SLC11A1: variants seen among roughly 807,000 people sequenced by gnomAD.
SLC11A1 encodes the protein natural resistance-associated macrophage protein 1.
In SLC11A1, 59 loss-of-function variants were observed where a neutral mutation model predicts 63.2. The observed-to-expected ratio is 0.93, with a 90% CI of 0.76 to 1.16. SLC11A1 has a LOEUF of 1.16. Among genes scored for constraint, SLC11A1 ranks in the 50% most tolerant of loss-of-function variants. The pLI is 0.00. For synonymous variants in SLC11A1, 305 were observed against 307.8 expected (o/e 0.99, Z 0.09); for missense variants, 688 against 730.7 (o/e 0.94, Z 0.67).
At chr2:218,393,622 G>A (rs906903049) in intron 12 of SLC11A1, among the ~76,000 whole-genome samples, 3 of 151,606 alleles carry the variant, frequency 2.0e-5, no homozygotes, top group Admixed American at 6.6e-5. Context: ...GATTACAAGC[G>A]CCCACCATCA....
In SLC11A1 at chr2:218,391,401, GC is replaced by G. The variant is rs1696435501; in HGVS notation, c.1074del (p.Ala359ArgfsTer8). 1 of 1,613,874 alleles carries G rather than the reference GC, an allele frequency of 6.2e-7. No individual in the cohort carries two copies. Among genetic ancestry groups the G allele is most frequent in the African/African-American group, 1.3e-5 (1 of 74,942 alleles). ...GGCGTGATCCTGGGCTGCCTGTTCG[GC>G]CCCGCGGCCCTCTACATCTGGGCCA... is the stretch of plus-strand genomic sequence containing the variant. ...QGGVILGCLF[G>X]PAALYIWAIG... On this transcript the variant is annotated frameshift_variant, in exon 11 of 15. Coordinates refer to ENST00000233202, the MANE Select transcript of SLC11A1 (RefSeq NM_000578.4). LOFTEE classifies it high-confidence loss of function.
chr2:218,389,911 A>T lies in SLC11A1; in HGVS notation c.837A>T (p.Glu279Asp). ...GGGCCCGCCGAGCAGACATCAGAGA[A>T]GCCAACATGTACTTCCTGATTGAGG... is the stretch of plus-strand genomic sequence containing the variant. ...IDRARRADIREANMYFLIEAT... is the reference protein window; with the variant it reads ...IDRARRADIRDANMYFLIEAT... The change falls in exon 9 of 15, where the codon GAA (glutamate) becomes GAT (aspartate). Residue 279 changes from glutamate (E) to aspartate (D), a missense_variant. By Grantham distance (45) the Glu-to-Asp change is conservative (BLOSUM62 2). Coordinates refer to ENST00000233202, the MANE Select transcript of SLC11A1 (RefSeq NM_000578.4). The T allele has an allele frequency of 6.2e-7, 1 of 1,613,938 alleles. No individual in the cohort carries two copies. The highest frequency in any genetic ancestry group is 1.3e-5 in the African/African-American group (1 of 75,020).
chr2:218,383,012 C>T lies in SLC11A1; in HGVS notation c.60C>T (p.Ser20=), dbSNP rs1372099485. The part of the protein sequence containing the change: ...LSGSSYGSIS[S]PTSPTSPGPQ... The stretch of plus-strand genomic sequence containing the variant: ...GGTCCAGCTATGGTTCCATCTCCAG[C>T]CCGACCAGCCCGACCAGCCCAGGGC... Residue 20 remains serine, a synonymous_variant, in exon 2 of 15, where the codon AGC becomes AGT. Transcript: ENST00000233202. 1 of 1,611,498 alleles carries T rather than the reference C, an allele frequency of 6.2e-7. No individual in the cohort carries two copies. The highest frequency in any genetic ancestry group is 8.5e-7 in the Non-Finnish European group (1 of 1,179,738).
Position 218,387,857 on chromosome 2 carries a change from T to G in SLC11A1, c.697T>G (p.Cys233Gly), listed in dbSNP as rs867987748. ...TCTTCGGGGCCTGTTCCTGCCCTCG[T>G]GCCCGGGCTGCGGCCACCCCGAGCT... The part of the protein sequence containing the change: ...ALLRGLFLPS[C>G]PGCGHPELLQ... The change falls in exon 8 of 15, where the codon TGC becomes GGC. Residue 233 changes from cysteine (C) to glycine (G), a missense_variant. By Grantham distance (159) the Cys-to-Gly change is radical. Transcript: ENST00000233202. 2 of 1,601,240 alleles carry G rather than the reference T, an allele frequency of 1.2e-6. No individual in the cohort carries two copies. The highest frequency in any genetic ancestry group is 1.7e-6 in the Non-Finnish European group (2 of 1,174,166).
At chr2:218,394,851 G>A in intron 14 of SLC11A1, 66 bp downstream of exon 14, 3 of 1,606,926 alleles carry the variant, frequency 1.9e-6, no homozygotes, top group Non-Finnish European at 1.7e-6. Flanking sequence ...CCAATGGGGA[G>A]GGTTTGGGGG....
At chr2:218,391,117 C>G in intron 9 of SLC11A1, 81 bp from the exon 10 acceptor site, 3 of 1,251,636 alleles carry the variant, frequency 2.4e-6, no homozygotes, top group African/African-American at 1.5e-5. Context: ...GTTTTGGAAC[C>G]CTGGTCAGTG....
chr2:218,392,970 C>G lies in SLC11A1; in HGVS notation c.1165-11C>G. 1 of 1,583,658 alleles carries G rather than the reference C, an allele frequency of 6.3e-7. No homozygotes were observed. The highest frequency in any genetic ancestry group is 1.1e-5 in the South Asian group (1 of 87,170). Reference sequence around the variant, plus strand: ...GTCTACTCCTCACCAAGGAGTTCACCCCCACCCCAGGGCTTCCTGAGGCTG... The same window carrying G: ...GTCTACTCCTCACCAAGGAGTTCACGCCCACCCCAGGGCTTCCTGAGGCTG... On this transcript the variant is annotated splice_polypyrimidine_tract_variant and intron_variant, in intron 11 of 14. Transcript: ENST00000233202.
rs1252859329 is a variant in SLC11A1 at position 218,386,661 on chromosome 2, C to T, written c.420C>T (p.Thr140=). ...TGCCCCGCACCGTCCTCTGGCTGAC[C>T]ATCGAGCTAGCCATTGTGGGCTCCG... ...PKVPRTVLWL[T]IELAIVGSDM... is the part of the protein sequence containing the mutation. Residue 140 remains threonine, a synonymous_variant, in exon 5 of 15, where the codon ACC becomes ACT. Coordinates refer to ENST00000233202, the MANE Select transcript of SLC11A1 (RefSeq NM_000578.4). The T allele has an allele frequency of 5.0e-6, 8 of 1,613,866 alleles. No homozygotes were observed. The highest frequency in any genetic ancestry group is 6.8e-6 in the Non-Finnish European group (8 of 1,179,954).
chr2:218,394,480 G>T (rs995536891), intron 13 of SLC11A1, 152 bp from the exon 14 acceptor site: 2 of 855,290 alleles, frequency 2.3e-6, no homozygotes, highest in Non-Finnish European at 3.6e-6. Flanking sequence ...GCAGGAGGTG[G>T]GGAGGGGGTC....
Position 218,382,964 on chromosome 2 carries a change from C to T in SLC11A1, c.12C>T (p.Asp4=). MTG[D]KGPQRLSGSS... ...ATGCTTCATGGGCCCCCACAGGTGA[C>T]AAGGGTCCCCAAAGGCTAAGCGGGT... is the stretch of plus-strand genomic sequence containing the variant. Residue 4 remains aspartate, a synonymous_variant, in exon 2 of 15, where the codon GAC becomes GAT. Coordinates refer to ENST00000233202, the MANE Select transcript of SLC11A1 (RefSeq NM_000578.4). The T allele has an allele frequency of 6.2e-7, 1 of 1,614,102 alleles. No individual in the cohort carries two copies. The highest frequency in any genetic ancestry group is 1.1e-5 in the South Asian group (1 of 91,080).
At chr2:218,392,624 C>T (rs1459715304) in intron 11 of SLC11A1, 4 of 193,818 alleles carry the variant, frequency 2.1e-5, no homozygotes, top group African/African-American at 9.3e-5. Context: ...ACGTGAGCCA[C>T]CCCACTCAGC....
In SLC11A1 at chr2:218,384,582, GTATATTTA is replaced by G. The variant is rs1695975818; in HGVS notation, c.273+219_273+226del. On this transcript the variant is annotated intron_variant, in intron 3 of 14. Coordinates refer to ENST00000233202, the MANE Select transcript of SLC11A1 (RefSeq NM_000578.4). This position sits in a 1 kb window ranked among gnomAD's most constrained non-coding sequence, Gnocchi z 4.0. ...ACTCCTCTCTTTAAAATATATATAT[GTATATTTA>G]TTTATTTATTTATTTAATTTTATTT... 5.3e-6 allele frequency: 1 copy of G among 190,006 alleles called. No individual in the cohort carries two copies. The highest frequency in any genetic ancestry group is 1.9e-4 in the South Asian group (1 of 5,234). 11.8% of individuals were successfully genotyped at this position (190,006 alleles called of 1,614,324 possible).
intron 12 of SLC11A1, 77 bp downstream of exon 12, chr2:218,393,207 T>C: frequency 4.5e-6 from 6 of 1,345,808 alleles, no homozygotes; most frequent in Non-Finnish European, 5.8e-6. Flanking sequence ...CGCTGAGCCT[T>C]GCATGGGCCT....
Position 218,384,263 on chromosome 2 carries a change from G to A in SLC11A1, c.171G>A (p.Lys57=), listed in dbSNP as rs368133912. The A allele has an allele frequency of 3.1e-6, 5 of 1,603,226 alleles. No homozygotes were observed. The African/African-American group carries it at 6.7e-5, about 21-fold the overall frequency. Residue 57 remains lysine, a synonymous_variant, in exon 3 of 15, where the codon AAG becomes AAA. Coordinates refer to ENST00000233202, the MANE Select transcript of SLC11A1 (RefSeq NM_000578.4). This position sits in a 1 kb window ranked among gnomAD's most constrained non-coding sequence, Gnocchi z 4.0. The stretch of plus-strand genomic sequence containing the variant: ...AACAGGGCACCTTCAGCCTGCGGAA[G>A]CTATGGGCCTTCACGGGGCCTGGCT... ...DTKPGTFSLR[K]LWAFTGPGFL...
intron 12 of SLC11A1, among the ~76,000 whole-genome samples, chr2:218,393,337 C>G (rs1417887222): frequency 6.9e-6 from 1 of 143,938 alleles, no homozygotes; most frequent in Non-Finnish European, 1.5e-5. Flanking sequence ...CCCAGATGGT[C>G]TCCCTCTGTC....
rs1559127952 is a variant in SLC11A1 at position 218,395,872 on chromosome 2, T to C, written c.*837T>C. ...ACCCCTACACCAGGGTCTGGTCCGC[T>C]CCTATTCGCCGCAGCCTTTCTGTTC... On this transcript the variant is annotated 3_prime_UTR_variant, in exon 15 of 15. Transcript: ENST00000233202. The C allele has an allele frequency of 1.3e-5, 2 of 152,382 alleles. No homozygotes were observed. Among genetic ancestry groups the C allele is most frequent in the Non-Finnish European group, 2.9e-5 (2 of 68,068 alleles). The allele number at this position is 152,382 out of a possible 1,614,324, so 9.4% of individuals were successfully genotyped here.
At position 218,383,108 on chromosome 2, in the gene SLC11A1, A is replaced by G; in HGVS notation, c.150+6A>G. ...CCATCCCAGACACAAAACCGGTGGGATGCTGGAAACTTCCTGGGGGCTTGC... is the reference window on the plus strand; with the variant it reads ...CCATCCCAGACACAAAACCGGTGGGGTGCTGGAAACTTCCTGGGGGCTTGC... On this transcript the variant is annotated splice_donor_region_variant and intron_variant, in intron 2 of 14. Coordinates refer to ENST00000233202, the MANE Select transcript of SLC11A1 (RefSeq NM_000578.4). 1 of 1,613,318 alleles carries G rather than the reference A, an allele frequency of 6.2e-7. No homozygotes were observed.
In SLC11A1 at chr2:218,390,774, G is replaced by A. The variant is rs117170240; in HGVS notation, c.955-424G>A. Among the ~76,000 whole-genome samples, 41 of 152,336 alleles carry A rather than the reference G, an allele frequency of 2.7e-4. 2 individuals carry two copies. The East Asian group carries it at 7.9e-3, about 29-fold the overall frequency. On this transcript the variant is annotated intron_variant, in intron 9 of 14. Coordinates refer to ENST00000233202, the MANE Select transcript of SLC11A1 (RefSeq NM_000578.4). ...TGGACAGTGTGAAGAGGGCATGGCA[G>A]CCAGCTGTCTCTGTGGTGATGCCAG... is the stretch of plus-strand genomic sequence containing the variant.
At position 218,385,274 on chromosome 2, in the gene SLC11A1, T is replaced by TG. The variant is rs749097437; in HGVS notation, c.393+14dup. On this transcript the variant is annotated intron_variant, in intron 4 of 14. Transcript: ENST00000233202. Reference sequence around the variant, plus strand: ...CATCTCTACTACCCTAAGGTGAGCTTGGGGGGCCTGGACAGGGAGAACCAC... The same window carrying TG: ...CATCTCTACTACCCTAAGGTGAGCTTGGGGGGGCCTGGACAGGGAGAACCAC... The TG allele has an allele frequency of 4.3e-6, 7 of 1,613,726 alleles. No homozygotes were observed. The African/African-American group carries it at 9.3e-5, about 22-fold the overall frequency.
Sources: allele counts gnomAD v4.1 joint callset (sites outside exome capture counted in the v4.1 genomes callset), GRCh38; gene constraint gnomAD v4.1.1; non-coding constraint Gnocchi (gnomAD v3.1); transcripts MANE v1.5; gene names NCBI Gene and HGNC (gene_info 2026-07-23, HGNC 2026-07-21).